Variants in ASAH1 observed in about 807,000 individuals in gnomAD.
The protein encoded by ASAH1 is N-acylsphingosine amidohydrolase 1.
ASAH1 carries 70 observed loss-of-function variants against 59.5 expected under a neutral mutation model. The ratio of observed to expected loss-of-function variants is 1.18; its 90% confidence interval spans 0.97 to 1.43. ASAH1 has a LOEUF of 1.43. ASAH1 is among the 40% of genes most tolerant of loss of function. The probability of loss-of-function intolerance (pLI) is 0.00; values close to 1 mark genes in which losing one functional copy is unlikely to be tolerated. For missense variants in ASAH1, 660 were observed against 482.5 expected (o/e 1.37, Z -3.45); for synonymous variants, 213 against 166.5 (o/e 1.28, Z -2.15).
In ASAH1 at chr8:18,062,345, G is replaced by A; in HGVS notation, c.582C>T (p.Asn194=). 1 of 1,614,148 alleles carries A rather than the reference G, an allele frequency of 6.2e-7. No individual in the cohort carries two copies. Among genetic ancestry groups the A allele is most frequent in the Non-Finnish European group, 8.5e-7 (1 of 1,180,010 alleles). ...PLTVNLDFQR[N]NKTVFKASSF... is the part of the protein sequence containing the mutation. ...TTGAAGCCTTGAAGACAGTTTTGTT[G>A]TTTCTTTGGAAATCCAAATTCACTG... Residue 194 remains asparagine (N), a synonymous_variant, in exon 8 of 14, where the codon AAC becomes AAT. Transcript: ENST00000637790.
chr8:18,075,001 C>CTTTTTTTT (rs769278694), intron 2 of ASAH1, among the ~76,000 whole-genome samples: 48 of 148,514 alleles, frequency 3.2e-4, no homozygotes, highest in Middle Eastern at 3.4e-3. Context: ...AAAATCCTTT[C>CTTTTTTTT]CTTTTTTTTT....
chr8:18,079,818 A>C (rs1467289485), intron 1 of ASAH1, among the ~76,000 whole-genome samples: 1 of 152,232 alleles, frequency 6.6e-6, no homozygotes, highest in Non-Finnish European at 1.5e-5. Flanking sequence ...AACTCAGCAG[A>C]AACACTGAAT....
upstream of ASAH1, chr8:18,084,129 G>C: frequency 1.9e-6 from 3 of 1,581,942 alleles, no homozygotes; most frequent in East Asian, 6.8e-5. Flanking sequence ...CCGGGGGCAG[G>C]CCACGCCCCC....
upstream of ASAH1, chr8:18,084,167 C>G (rs1800791770): frequency 1.9e-6 from 3 of 1,552,630 alleles, no homozygotes; most frequent in Non-Finnish European, 2.6e-6. Context: ...GACCTGGGAC[C>G]GCACCATTCC....
rs370354055 is a variant in ASAH1 at position 18,057,651 on chromosome 8, G to T, written c.1099-28C>A. The T allele has an allele frequency of 1.1e-5, 16 of 1,522,380 alleles. No individual in the cohort carries two copies. In the African/African-American group the frequency reaches 1.6e-4, roughly 16 times the overall value. The allele number at this position is 1,522,380 out of a possible 1,614,324, so 94.3% of individuals were successfully genotyped here. ...GAAAGAAAAGTTATTTTTACTTTAA[G>T]GACGTTTTCAATTCAGAGATGTTCT... is the stretch of plus-strand genomic sequence containing the variant. On this transcript the variant is annotated intron_variant, in intron 13 of 13. Coordinates refer to ENST00000637790, the MANE Select transcript of ASAH1 (RefSeq NM_177924.5).
chr8:18,063,431 G>T (rs77933176), intron 6 of ASAH1: 17 of 567,236 alleles, frequency 3.0e-5, no homozygotes, highest in South Asian at 5.8e-5. Context: ...AGCCTTCCAC[G>T]TAGTTGGGAT....
intron 13 of ASAH1, 85 bp downstream of exon 13, chr8:18,058,750 A>T (rs1799568502): frequency 2.4e-6 from 3 of 1,262,762 alleles, no homozygotes; most frequent in East Asian, 2.3e-5. Flanking sequence ...TTGTGCTCAA[A>T]CTGATCAAAG....
At chr8:18,057,702 G>T in intron 13 of ASAH1, 79 bp from the exon 14 acceptor site, 1 of 965,602 alleles carries the variant, frequency 1.0e-6, no homozygotes, top group Non-Finnish European at 1.5e-6. Flanking sequence ...TTCTATACTT[G>T]TAGAATTTGC....
chr8:18,084,394 C>T (rs1266453705), upstream of ASAH1: 12 of 1,399,456 alleles, frequency 8.6e-6, no homozygotes, highest in Non-Finnish European at 1.0e-5. Context: ...GTAGGTGGGG[C>T]CGGGAGCTTC....
At chr8:18,084,707 A>T (rs1432374436), upstream of ASAH1, 1 of 1,613,736 alleles carries the variant, frequency 6.2e-7, no homozygotes, top group Non-Finnish European at 8.5e-7. Context: ...GCCAAATCCC[A>T]GAATTGAGGC....
At chr8:18,070,565 G>A (rs1800127642) in intron 3 of ASAH1, among the ~76,000 whole-genome samples, 2 of 152,204 alleles carry the variant, frequency 1.3e-5, no homozygotes, top group Admixed American at 1.3e-4. Flanking sequence ...ATTGATTACA[G>A]GCATGAGCCA....
chr8:18,084,114 C>G (rs1800787510), upstream of ASAH1: 1 of 1,589,680 alleles, frequency 6.3e-7, no homozygotes. Context: ...GAAGAGCCGG[C>G]TGGGCCGGGG....
rs1159528376 is a variant in ASAH1 at position 18,062,440 on chromosome 8, T to A, written c.504-17A>T. ...ATGTTCCACCTATAAAAGACATGTTTCAGTGACATTTCAGAAACACAGTGA... is the reference window on the plus strand; with the variant it reads ...ATGTTCCACCTATAAAAGACATGTTACAGTGACATTTCAGAAACACAGTGA... On this transcript the variant is annotated splice_polypyrimidine_tract_variant and intron_variant, in intron 7 of 13. Coordinates refer to ENST00000637790, the MANE Select transcript of ASAH1 (RefSeq NM_177924.5). The A allele has an allele frequency of 7.4e-6, 12 of 1,613,762 alleles. No homozygotes were observed. The highest frequency in any genetic ancestry group is 1.0e-5 in the Non-Finnish European group (12 of 1,179,724).
At chr8:18,071,447 T>G in intron 2 of ASAH1, 57 bp from the exon 3 acceptor site, 1 of 1,116,880 alleles carries the variant, frequency 9.0e-7, no homozygotes, top group Non-Finnish European at 1.3e-6. Flanking sequence ...TGAGGGTCAG[T>G]TAGATACATC....
rs371089292 is a variant in ASAH1 at position 18,061,669 on chromosome 8, G to C, written c.703+17C>G. Reference sequence around the variant, plus strand: ...AAGCTCTGAGATTCCCATTTCACTTGAGAATGCTCTACTTACCCAGATAAC... The same window carrying C: ...AAGCTCTGAGATTCCCATTTCACTTCAGAATGCTCTACTTACCCAGATAAC... On this transcript the variant is annotated intron_variant, in intron 9 of 13. Coordinates refer to ENST00000637790, the MANE Select transcript of ASAH1 (RefSeq NM_177924.5). The C allele has an allele frequency of 1.1e-5, 18 of 1,582,288 alleles. No individual in the cohort carries two copies. Among genetic ancestry groups the C allele is most frequent in the South Asian group, 6.9e-5 (6 of 87,330 alleles).
intron 5 of ASAH1, chr8:18,064,915 T>A (rs1441397503): frequency 1.2e-5 from 2 of 173,214 alleles, no homozygotes; most frequent in Non-Finnish European, 2.5e-5. Flanking sequence ...AAAGTGTGAC[T>A]AAAATTTCTA....
rs1200534000 is a variant in ASAH1 at position 18,057,196 on chromosome 8, C to A, written c.*338G>T. Reference sequence around the variant, plus strand: ...TCACACAGACGTGCTGGATTCAACACCCACGCTGAATCTCCATTTATTCCA... The same window carrying A: ...TCACACAGACGTGCTGGATTCAACAACCACGCTGAATCTCCATTTATTCCA... On this transcript the variant is annotated 3_prime_UTR_variant, in exon 14 of 14. Coordinates refer to ENST00000637790, the MANE Select transcript of ASAH1 (RefSeq NM_177924.5). 4 of 299,638 alleles carry A rather than the reference C, an allele frequency of 1.3e-5. No individual in the cohort carries two copies. The highest frequency in any genetic ancestry group is 9.0e-5 in the Admixed American group (2 of 22,260). The allele number at this position is 299,638 out of a possible 1,614,324, so 18.6% of individuals were successfully genotyped here.
intron 1 of ASAH1, chr8:18,076,313 T>C (rs1326449520): frequency 2.6e-5 from 4 of 153,402 alleles, no homozygotes; most frequent in East Asian, 1.9e-4. Context: ...CTCATCAACA[T>C]GTTTATGACA....
intron 13 of ASAH1, 38 bp downstream of exon 13, chr8:18,058,797 T>A (rs757009719): frequency 6.4e-7 from 1 of 1,557,188 alleles, no homozygotes; most frequent in Non-Finnish European, 8.9e-7. Flanking sequence ...CCAAATTCTT[T>A]CCCTAAAAGG....
Sources: gnomAD v4.1 joint callset for allele counts (sites outside exome capture counted in the v4.1 genomes callset) on GRCh38, gnomAD v4.1.1 for gene constraint, MANE v1.5 for transcripts, NCBI Gene and HGNC (gene_info 2026-07-23, HGNC 2026-07-21) for gene names.